KCTD8: variants seen among roughly 807,000 people sequenced by gnomAD.
KCTD8 encodes BTB/POZ domain-containing protein KCTD8.
A neutral mutation model predicts 31.5 loss-of-function variants in KCTD8; 27 were observed. The observed-to-expected ratio is 0.86, with a 90% CI of 0.63 to 1.18. The LOEUF (loss-of-function observed/expected upper bound fraction) is 1.18. Ranked by LOEUF, KCTD8 falls within the 50% of genes most tolerant of loss-of-function variation. KCTD8 has a pLI of 0.00. For synonymous variants in KCTD8, 290 were observed against 280.0 expected (o/e 1.04, Z -0.36); for missense variants, 658 against 647.7 (o/e 1.02, Z -0.17).
chr4:44,253,675 CA>C (rs1469296356), intron 1 of KCTD8, among the ~76,000 whole-genome samples: 1 of 151,772 alleles, frequency 6.6e-6, no homozygotes, highest in East Asian at 1.9e-4. Flanking sequence ...TCCAACTCTC[CA>C]AATGTCCATG....
chr4:44,261,914 T>G (rs967327877), intron 1 of KCTD8, among the ~76,000 whole-genome samples: 1 of 152,076 alleles, frequency 6.6e-6, no homozygotes, highest in African/African-American at 2.4e-5. Context: ...TATATATAAT[T>G]TTTAGTTGTC....
At chr4:44,311,010 T>A (rs1717935315) in intron 1 of KCTD8, among the ~76,000 whole-genome samples, 1 of 151,812 alleles carries the variant, frequency 6.6e-6, no homozygotes, top group South Asian at 2.1e-4. Context: ...TCTTTGTATT[T>A]TTTTTTCATT....
intron 1 of KCTD8, among the ~76,000 whole-genome samples, chr4:44,260,554 C>T (rs753262531): frequency 6.6e-6 from 1 of 151,814 alleles, no homozygotes; most frequent in Non-Finnish European, 1.5e-5. Context: ...CTTTGAGGTG[C>T]AGTCATTTTA....
chr4:44,218,321 A>G (rs1010496587), intron 1 of KCTD8, among the ~76,000 whole-genome samples: 53 of 150,706 alleles, frequency 3.5e-4, no homozygotes, highest in South Asian at 2.1e-4. Flanking sequence ...TTTAGTAGAG[A>G]CAGGGTTTCG....
At chr4:44,431,232 T>G (rs559214824) in intron 1 of KCTD8, among the ~76,000 whole-genome samples, 1 of 151,616 alleles carries the variant, frequency 6.6e-6, no homozygotes, top group Non-Finnish European at 1.5e-5. Flanking sequence ...GAGAAAGTTC[T>G]GATACACCCC....
At chr4:44,259,273 T>C (rs1716092908) in intron 1 of KCTD8, among the ~76,000 whole-genome samples, 2 of 151,778 alleles carry the variant, frequency 1.3e-5, no homozygotes, top group South Asian at 4.1e-4. Flanking sequence ...AAGAGTGTAA[T>C]TATTAATACA....
chr4:44,376,131 A>G (rs988849743), intron 1 of KCTD8, among the ~76,000 whole-genome samples: 1 of 152,182 alleles, frequency 6.6e-6, no homozygotes, highest in African/African-American at 2.4e-5. Context: ...TGGATGTACC[A>G]GAAAAGAAAA....
At chr4:44,403,421 T>TA (rs1439992239) in intron 1 of KCTD8, among the ~76,000 whole-genome samples, 1 of 60,168 alleles carries the variant, frequency 1.7e-5, no homozygotes, top group Non-Finnish European at 3.9e-5. Context: ...TTACTAGGGC[T>TA]ACCATTAAAA....
At chr4:44,242,316 C>T (rs913586033) in intron 1 of KCTD8, among the ~76,000 whole-genome samples, 5 of 152,180 alleles carry the variant, frequency 3.3e-5, no homozygotes, top group Non-Finnish European at 5.9e-5. Flanking sequence ...CGGTGGCTCA[C>T]GCCTGTAATC....
At chr4:44,393,019 T>C (rs1292712425) in intron 1 of KCTD8, among the ~76,000 whole-genome samples, 1 of 152,020 alleles carries the variant, frequency 6.6e-6, no homozygotes, top group Non-Finnish European at 1.5e-5. Context: ...ACTATGTCAT[T>C]TGAGAAATGC....
At chr4:44,278,372 T>C (rs541830854) in intron 1 of KCTD8, among the ~76,000 whole-genome samples, 4 of 152,156 alleles carry the variant, frequency 2.6e-5, no homozygotes, top group African/African-American at 9.6e-5. Flanking sequence ...TTCTGTCTAT[T>C]CCTGTGGCAG....
intron 1 of KCTD8, among the ~76,000 whole-genome samples, chr4:44,302,441 T>G (rs999263756): frequency 1.1e-4 from 17 of 152,192 alleles, no homozygotes; most frequent in East Asian, 5.8e-4. Context: ...CACGTCCCTT[T>G]TAAGTTGGAT....
chr4:44,397,061 C>T (rs1720523573), intron 1 of KCTD8, among the ~76,000 whole-genome samples: 1 of 152,088 alleles, frequency 6.6e-6, no homozygotes, highest in African/African-American at 2.4e-5. Flanking sequence ...GACCCTTTCA[C>T]ATGAACAAAA....
intron 1 of KCTD8, among the ~76,000 whole-genome samples, chr4:44,279,315 G>GT (rs1359697167): frequency 1.3e-5 from 2 of 151,984 alleles, no homozygotes; most frequent in Admixed American, 1.3e-4. Context: ...CCTGTATTCT[G>GT]TATTGGAAGC....
chr4:44,194,117 A>C (rs1243235332), intron 1 of KCTD8, among the ~76,000 whole-genome samples: 3 of 152,142 alleles, frequency 2.0e-5, no homozygotes, highest in African/African-American at 7.2e-5. Flanking sequence ...GATACATTTA[A>C]GACCAAACTT....
intron 1 of KCTD8, among the ~76,000 whole-genome samples, chr4:44,420,093 A>T (rs1721175868): frequency 6.6e-6 from 1 of 152,072 alleles, no homozygotes; most frequent in Admixed American, 6.5e-5. Context: ...CAACAAACTA[A>T]AGAAAAATCC....
intron 1 of KCTD8, among the ~76,000 whole-genome samples, chr4:44,331,718 C>CAT (rs1718594362): frequency 6.8e-6 from 1 of 147,950 alleles, no homozygotes; most frequent in East Asian, 2.0e-4. Context: ...GATGTGGAGC[C>CAT]ATATATATAG....
At chr4:44,394,338 A>C (rs1476200531) in intron 1 of KCTD8, among the ~76,000 whole-genome samples, 1 of 152,086 alleles carries the variant, frequency 6.6e-6, no homozygotes, top group Non-Finnish European at 1.5e-5. Flanking sequence ...GTGGGATTTG[A>C]GTACATATCT....
chr4:44,181,702 C>T lies in KCTD8; in HGVS notation c.962-6452G>A, dbSNP rs537720139. On this transcript the variant is annotated intron_variant, in intron 1 of 1. Coordinates refer to ENST00000360029, the MANE Select transcript of KCTD8 (RefSeq NM_198353.3). ...GGAAGTGAGGACCCTCTCTGCCTGG[C>T]CGCCCATTGTCTGGGATGCCAGGAG... Among the ~76,000 whole-genome samples the T allele has an allele frequency of 7.3e-4, 111 of 152,254 alleles. 1 individual carries two copies. Among genetic ancestry groups the T allele is most frequent in the Admixed American group, 3.5e-3 (54 of 15,306 alleles).
Sources: gnomAD v4.1 joint callset for allele counts (sites outside exome capture counted in the v4.1 genomes callset) on GRCh38, gnomAD v4.1.1 for gene constraint, MANE v1.5 for transcripts, NCBI Gene and HGNC (gene_info 2026-07-23, HGNC 2026-07-21) for gene names.